The following SNX24 variants were observed in gnomAD, a reference collection of about 807,000 sequenced individuals.
SNX24 encodes sorting nexin-24.
Under a neutral mutation model 28.7 loss-of-function variants are expected in SNX24, and 22 were observed. The observed-to-expected ratio is 0.77, with a 90% CI of 0.55 to 1.10. SNX24 has a LOEUF of 1.10. SNX24 is among the 50% of genes least tolerant of loss of function. The pLI is 0.00. For synonymous variants in SNX24, 69 were observed against 71.5 expected, an observed-to-expected ratio of 0.96 and a Z score of 0.18; for missense variants, 221 against 201.1, an observed-to-expected ratio of 1.10 and a Z score of -0.60.
chr5:122,903,753 C>A (rs1757535544), intron 1 of SNX24, among the ~76,000 whole-genome samples: 1 of 152,124 alleles, frequency 6.6e-6, no homozygotes, highest in South Asian at 2.1e-4. Flanking sequence ...AGCATAATTA[C>A]TGCATGAATC....
intron 5 of SNX24, among the ~76,000 whole-genome samples, chr5:123,018,841 C>G (rs1033345912): frequency 6.6e-6 from 1 of 152,142 alleles, no homozygotes; most frequent in African/African-American, 2.4e-5. Context: ...TGCCTGCCAC[C>G]ATGCCCTGCT....
Position 122,952,225 on chromosome 5 carries a change from G to A in SNX24, c.249+6066G>A, listed in dbSNP as rs528999012. Among the ~76,000 whole-genome samples the A allele has an allele frequency of 1.1e-4, 16 of 152,192 alleles. No individual in the cohort carries two copies. In the South Asian group the frequency reaches 3.3e-3, roughly 32 times the overall value. On this transcript the variant is annotated intron_variant, in intron 3 of 6. Transcript: ENST00000261369. ...TTGTGGTCCCAAGCATTTCAAATAA[G>A]GGCTATCCAAGCAATGTCTGCATGG... is the stretch of plus-strand genomic sequence containing the variant.
intron 3 of SNX24, among the ~76,000 whole-genome samples, chr5:122,967,132 A>G (rs1760745719): frequency 6.6e-6 from 1 of 152,206 alleles, no homozygotes; most frequent in African/African-American, 2.4e-5. Flanking sequence ...GGAATCTTTT[A>G]CCCACTCACG....
intron 1 of SNX24, among the ~76,000 whole-genome samples, chr5:122,876,229 A>G (rs1027448752): frequency 6.6e-6 from 1 of 152,204 alleles, no homozygotes; most frequent in Non-Finnish European, 1.5e-5. Context: ...GACATTTTGA[A>G]AGTGTATATA....
intron 1 of SNX24, among the ~76,000 whole-genome samples, chr5:122,876,351 T>A: frequency 6.6e-6 from 1 of 152,226 alleles, no homozygotes; most frequent in African/African-American, 2.4e-5. Context: ...ATATTAGTTT[T>A]TGAAGGCATC....
At chr5:122,897,078 ATATTT>A (rs1351335961) in intron 1 of SNX24, among the ~76,000 whole-genome samples, 1 of 152,100 alleles carries the variant, frequency 6.6e-6, no homozygotes, top group Non-Finnish European at 1.5e-5. Flanking sequence ...TTAGAATATT[ATATTT>A]AAGTGTCATT....
At chr5:122,975,725 A>G (rs1028196656) in intron 3 of SNX24, among the ~76,000 whole-genome samples, 1 of 152,232 alleles carries the variant, frequency 6.6e-6, no homozygotes, top group Non-Finnish European at 1.5e-5. Context: ...ATCATTATAA[A>G]TGATCAGTAA....
At chr5:122,935,911 C>T (rs1759160465) in intron 1 of SNX24, among the ~76,000 whole-genome samples, 1 of 152,078 alleles carries the variant, frequency 6.6e-6, no homozygotes, top group African/African-American at 2.4e-5. Context: ...CTTAGCAAAA[C>T]ACAAGTCAAA....
chr5:122,907,863 T>G (rs1757707770), intron 1 of SNX24, among the ~76,000 whole-genome samples: 1 of 152,132 alleles, frequency 6.6e-6, no homozygotes, highest in Non-Finnish European at 1.5e-5. Flanking sequence ...AAAGTATAAC[T>G]GGGCAGTTAT....
At chr5:122,864,570 A>G (rs982595772) in intron 1 of SNX24, among the ~76,000 whole-genome samples, 2 of 152,136 alleles carry the variant, frequency 1.3e-5, no homozygotes, top group African/African-American at 4.8e-5. Context: ...GGGTGGGGAG[A>G]CGTCAGTGAG....
chr5:122,861,981 C>T (rs1309192793), intron 1 of SNX24, among the ~76,000 whole-genome samples: 2 of 152,204 alleles, frequency 1.3e-5, no homozygotes, highest in African/African-American at 2.4e-5. Flanking sequence ...GTTACTTATT[C>T]TGTGTCCCCC....
chr5:122,876,700 T>C (rs773394143), intron 1 of SNX24, among the ~76,000 whole-genome samples: 14 of 152,212 alleles, frequency 9.2e-5, no homozygotes, highest in Non-Finnish European at 1.8e-4. Context: ...CTATAATGAA[T>C]GCCCTATGGT....
At chr5:122,952,657 C>G (rs1760000878) in intron 3 of SNX24, among the ~76,000 whole-genome samples, 1 of 152,182 alleles carries the variant, frequency 6.6e-6, no homozygotes, top group African/African-American at 2.4e-5. Context: ...AAAATACTGA[C>G]TCTTCAGGAA....
chr5:122,910,862 G>C (rs1040128001), intron 1 of SNX24, among the ~76,000 whole-genome samples: 12 of 151,862 alleles, frequency 7.9e-5, no homozygotes, highest in African/African-American at 2.2e-4. Flanking sequence ...TTAATCCAGT[G>C]TATCGTTGTT....
intron 2 of SNX24, among the ~76,000 whole-genome samples, chr5:122,937,098 A>G (rs373239543): frequency 6.6e-6 from 1 of 152,360 alleles, no homozygotes; most frequent in Middle Eastern, 3.4e-3. Flanking sequence ...TTCAGAAAGA[A>G]TAAAACCCAG....
At chr5:122,981,521 A>T (rs1761390698) in intron 3 of SNX24, among the ~76,000 whole-genome samples, 3 of 152,244 alleles carry the variant, frequency 2.0e-5, no homozygotes, top group Non-Finnish European at 2.9e-5. Flanking sequence ...GAGTTGTGTG[A>T]CCATCAGTAC....
At chr5:123,014,634 T>C (rs963356280) in intron 5 of SNX24, among the ~76,000 whole-genome samples, 2 of 152,178 alleles carry the variant, frequency 1.3e-5, no homozygotes, top group African/African-American at 2.4e-5. Context: ...TTTGATTTCA[T>C]TTTTACTGCA....
chr5:123,022,120 C>A (rs1429393460), intron 5 of SNX24, among the ~76,000 whole-genome samples: 1 of 152,152 alleles, frequency 6.6e-6, no homozygotes, highest in Non-Finnish European at 1.5e-5. Context: ...AGACTGTAAG[C>A]CCCATGAGGC....
At chr5:123,028,677 G>T in intron 5 of SNX24, 1 of 956,686 alleles carries the variant, frequency 1.0e-6, no homozygotes, top group Non-Finnish European at 1.6e-6. Context: ...TTACAACTGT[G>T]TTCCTTAGCT....
Sources: gnomAD v4.1 joint callset for allele counts (sites outside exome capture counted in the v4.1 genomes callset) on GRCh38, gnomAD v4.1.1 for gene constraint, MANE v1.5 for transcripts, NCBI Gene and HGNC (gene_info 2026-07-23, HGNC 2026-07-21) for gene names.